UNC5D: variants seen among roughly 807,000 people sequenced by gnomAD.
The protein encoded by UNC5D is unc-5 netrin receptor D, also known as netrin receptor UNC5D.
UNC5D carries 39 observed loss-of-function variants against 105.4 expected under a neutral mutation model. The observed-to-expected ratio is 0.37, with a 90% confidence interval of 0.29 to 0.48. The LOEUF (loss-of-function observed/expected upper bound fraction) is 0.48, where lower values mean the gene tolerates loss of function less well. Among genes scored for constraint, UNC5D ranks in the 20% least tolerant of loss-of-function variants. UNC5D has a pLI of 0.98. For missense variants in UNC5D, 991 were observed against 1,202.4 expected (o/e 0.82, Z 2.60); for synonymous variants, 452 against 450.4 (o/e 1.00, Z -0.04).
chr8:35,785,473 C>T (rs1284331812), intron 16 of UNC5D, among the ~76,000 whole-genome samples: 1 of 152,062 alleles, frequency 6.6e-6, no homozygotes, highest in Non-Finnish European at 1.5e-5. Context: ...GATTCTTGTG[C>T]TTCAGCCTCC....
At chr8:35,329,559 A>G (rs537456966) in intron 1 of UNC5D, among the ~76,000 whole-genome samples, 2 of 152,180 alleles carry the variant, frequency 1.3e-5, no homozygotes, top group South Asian at 2.1e-4. Flanking sequence ...TTGTGTTCCT[A>G]TCTGAAGTCT....
intron 1 of UNC5D, among the ~76,000 whole-genome samples, chr8:35,527,576 T>G (rs1209958776): frequency 6.6e-6 from 1 of 152,044 alleles, no homozygotes; most frequent in Non-Finnish European, 1.5e-5. Flanking sequence ...TGACTCTCAC[T>G]CTGTCACCCA....
In UNC5D at chr8:35,683,652, T is replaced by C. The variant is rs1231644296; in HGVS notation, c.676T>C (p.Ser226Pro). ...LIIRQARLSD[S>P]GNYTCMAANI... ...CATCAGGCAGGCACGGCTCTCGGAC[T>C]CAGGAAATTACACCTGCATGGCAGC... Residue 226 changes from serine to proline, a missense_variant, in exon 5 of 17, where the codon TCA (serine) becomes CCA (proline). By Grantham distance (74) the Ser-to-Pro change is moderately conservative. Coordinates refer to ENST00000404895, the MANE Select transcript of UNC5D (RefSeq NM_080872.4). The C allele has an allele frequency of 6.3e-7, 1 of 1,577,292 alleles. No homozygotes were observed. Among genetic ancestry groups the C allele is most frequent in the African/African-American group, 1.4e-5 (1 of 72,344 alleles).
At chr8:35,697,814 T>C (rs1826895854) in intron 7 of UNC5D, among the ~76,000 whole-genome samples, 1 of 152,210 alleles carries the variant, frequency 6.6e-6, no homozygotes, top group Non-Finnish European at 1.5e-5. Flanking sequence ...TGGTCTAGCA[T>C]GAGGACTAAT....
intron 1 of UNC5D, among the ~76,000 whole-genome samples, chr8:35,258,621 T>C (rs1368676126): frequency 6.6e-6 from 1 of 152,064 alleles, no homozygotes; most frequent in Non-Finnish European, 1.5e-5. Flanking sequence ...AAAATATTTA[T>C]AATAGATAAT....
chr8:35,602,351 T>C (rs546262065), intron 4 of UNC5D, among the ~76,000 whole-genome samples: 1 of 152,316 alleles, frequency 6.6e-6, no homozygotes, highest in Non-Finnish European at 1.5e-5. Context: ...TTTCTATTGA[T>C]TGGAATAGTT....
chr8:35,728,095 A>AAAATATAT (rs34672872), intron 10 of UNC5D, among the ~76,000 whole-genome samples: 7 of 110,364 alleles, frequency 6.3e-5, no homozygotes, highest in South Asian at 6.5e-4. Flanking sequence ...AAAAAAAAAA[A>AAAATATAT]ATATATATAT....
intron 1 of UNC5D, among the ~76,000 whole-genome samples, chr8:35,513,200 G>T (rs545672923): frequency 6.7e-6 from 1 of 148,160 alleles, no homozygotes; most frequent in African/African-American, 2.5e-5. Flanking sequence ...CATCTCCTTT[G>T]CCCTTTGCCT....
intron 1 of UNC5D, among the ~76,000 whole-genome samples, chr8:35,535,227 T>C (rs1161061688): frequency 6.6e-6 from 1 of 152,128 alleles, no homozygotes; most frequent in Non-Finnish European, 1.5e-5. Flanking sequence ...CTGATTCCTA[T>C]TCATTTGTAC....
chr8:35,423,617 C>A (rs530515881), intron 1 of UNC5D, among the ~76,000 whole-genome samples: 4 of 152,154 alleles, frequency 2.6e-5, no homozygotes, highest in African/African-American at 9.6e-5. Flanking sequence ...ACTGTTTTGG[C>A]AAGTACTGCT....
chr8:35,624,555 G>C (rs1433101200), intron 4 of UNC5D, among the ~76,000 whole-genome samples: 1 of 152,182 alleles, frequency 6.6e-6, no homozygotes, highest in African/African-American at 2.4e-5. Context: ...CGTTGACCGA[G>C]TGGTCTCAGA....
At chr8:35,282,928 A>G (rs1806297100) in intron 1 of UNC5D, among the ~76,000 whole-genome samples, 1 of 152,106 alleles carries the variant, frequency 6.6e-6, no homozygotes, top group African/African-American at 2.4e-5. Flanking sequence ...CAGCTTTTTT[A>G]CTGTATGGAA....
chr8:35,599,614 G>T (rs1819714813), intron 4 of UNC5D, among the ~76,000 whole-genome samples: 1 of 152,044 alleles, frequency 6.6e-6, no homozygotes, highest in African/African-American at 2.4e-5. Flanking sequence ...TTATCCCAGG[G>T]TTAGCCCTAC....
intron 4 of UNC5D, among the ~76,000 whole-genome samples, chr8:35,666,693 T>G (rs926294291): frequency 6.6e-6 from 1 of 152,204 alleles, no homozygotes; most frequent in Admixed American, 6.5e-5. Context: ...GCAAAGTTAC[T>G]TGTTTTTAGA....
intron 1 of UNC5D, among the ~76,000 whole-genome samples, chr8:35,533,897 G>A (rs549914764): frequency 2.6e-5 from 4 of 152,194 alleles, no homozygotes; most frequent in Non-Finnish European, 4.4e-5. Flanking sequence ...GCCTCGCCAT[G>A]CTTCGGCTTG....
At chr8:35,272,728 G>T (rs551278450) in intron 1 of UNC5D, among the ~76,000 whole-genome samples, 5 of 152,088 alleles carry the variant, frequency 3.3e-5, no homozygotes, top group Admixed American at 6.5e-5. Context: ...AAAACAGTTC[G>T]CCACTTCTAC....
rs1248289881 is a variant in UNC5D at position 35,791,402 on chromosome 8, T to C, written c.*839T>C. ...TGAGTGCTATTAGAACACAGCTTAT[T>C]ACATGGATATGGGGACAGGAGAGAT... On this transcript the variant is annotated 3_prime_UTR_variant, in exon 17 of 17. Coordinates refer to ENST00000404895, the MANE Select transcript of UNC5D (RefSeq NM_080872.4). 2 of 152,176 alleles carry C rather than the reference T, an allele frequency of 1.3e-5. 1 individual carries two copies. Among genetic ancestry groups the C allele is most frequent in the Non-Finnish European group, 2.9e-5 (2 of 68,038 alleles). 9.4% of individuals were successfully genotyped at this position (152,176 alleles called of 1,614,324 possible). A position where few individuals can be genotyped will look rare whatever the true frequency, so the allele number is the denominator to read the frequency against.
chr8:35,698,097 T>C (rs1826916325), intron 7 of UNC5D, among the ~76,000 whole-genome samples: 2 of 152,146 alleles, frequency 1.3e-5, no homozygotes, highest in African/African-American at 4.8e-5. Flanking sequence ...GATTCCTTTT[T>C]TACAACTTTA....
intron 1 of UNC5D, chr8:35,544,424 CTGTAATA>C (rs760897956): frequency 7.7e-5 from 124 of 1,608,600 alleles, no homozygotes; most frequent in Non-Finnish European, 1.0e-4. Flanking sequence ...AAAAAAAAAG[CTGTAATA>C]TGTTATCTGG....
Sources: gnomAD v4.1 joint callset for allele counts (sites outside exome capture counted in the v4.1 genomes callset) on GRCh38, gnomAD v4.1.1 for gene constraint, MANE v1.5 for transcripts, NCBI Gene and HGNC (gene_info 2026-07-23, HGNC 2026-07-21) for gene names.